The following MYO1D variants were observed in gnomAD, a reference collection of about 807,000 sequenced individuals.
MYO1D encodes the protein unconventional myosin-Id.
In MYO1D, 83 loss-of-function variants were observed where a neutral mutation model predicts 122.0. That is an observed-to-expected ratio of 0.68 (90% CI 0.57 to 0.82). The LOEUF (loss-of-function observed/expected upper bound fraction) is 0.82. MYO1D is among the 40% of genes least tolerant of loss of function. MYO1D has a pLI of 0.00. For missense variants in MYO1D, 1,157 were observed against 1,269.5 expected, an observed-to-expected ratio of 0.91 and a Z score of 1.35; for synonymous variants, 464 against 446.9, an observed-to-expected ratio of 1.04 and a Z score of -0.48.
intron 11 of MYO1D, among the ~76,000 whole-genome samples, chr17:32,751,162 T>C (rs1430827400): frequency 6.6e-6 from 1 of 152,082 alleles, no homozygotes; most frequent in African/African-American, 2.4e-5. Flanking sequence ...TATTGGATTA[T>C]TTGCCTGTCT....
intron 1 of MYO1D, among the ~76,000 whole-genome samples, chr17:32,849,612 A>T (rs1174596911): frequency 6.6e-6 from 1 of 151,034 alleles, no homozygotes; most frequent in Admixed American, 6.6e-5. Context: ...GAATTGAACA[A>T]TGAGATCACA....
intron 19 of MYO1D, among the ~76,000 whole-genome samples, chr17:32,646,295 T>C (rs540292039): frequency 6.6e-6 from 1 of 152,162 alleles, no homozygotes; most frequent in East Asian, 1.9e-4. Flanking sequence ...CTATCACTTG[T>C]ATGAATCTTA....
chr17:32,600,958 T>C (rs1469246889), intron 21 of MYO1D, among the ~76,000 whole-genome samples: 1 of 151,682 alleles, frequency 6.6e-6, no homozygotes, highest in Non-Finnish European at 1.5e-5. Context: ...TTTCCCTTTT[T>C]TTTTTTTTTT....
intron 21 of MYO1D, among the ~76,000 whole-genome samples, chr17:32,560,577 A>ATGT (rs2087114867): frequency 9.1e-6 from 1 of 109,946 alleles, no homozygotes; most frequent in African/African-American, 3.3e-5. Context: ...ATATATATAT[A>ATGT]ACTTTTATAC....
chr17:32,691,626 C>T (rs1236156575), intron 16 of MYO1D, among the ~76,000 whole-genome samples: 1 of 151,936 alleles, frequency 6.6e-6, no homozygotes, highest in Non-Finnish European at 1.5e-5. Flanking sequence ...AGGCTGGTCT[C>T]GAACTCCTGA....
intron 14 of MYO1D, among the ~76,000 whole-genome samples, chr17:32,734,004 T>C (rs1203137427): frequency 6.6e-6 from 1 of 152,190 alleles, no homozygotes; most frequent in Non-Finnish European, 1.5e-5. Context: ...ATTAAGGTAA[T>C]ATTAATCTCA....
At chr17:32,720,153 A>G (rs539434689) in intron 15 of MYO1D, among the ~76,000 whole-genome samples, 5 of 152,310 alleles carry the variant, frequency 3.3e-5, no homozygotes, top group Non-Finnish European at 5.9e-5. Context: ...AAAATGTTCA[A>G]TAAGTGTTTT....
intron 11 of MYO1D, among the ~76,000 whole-genome samples, chr17:32,750,408 T>C (rs2089886754): frequency 6.6e-6 from 1 of 151,736 alleles, no homozygotes; most frequent in Non-Finnish European, 1.5e-5. Context: ...GGTCAGGAGA[T>C]TGAGACCATC....
intron 21 of MYO1D, among the ~76,000 whole-genome samples, chr17:32,517,357 C>T (rs1323804106): frequency 2.0e-5 from 3 of 152,212 alleles, no homozygotes; most frequent in African/African-American, 4.8e-5. Flanking sequence ...AAGCAAACAG[C>T]CTCTTTGTCT....
chr17:32,549,092 C>A (rs1485458758), intron 21 of MYO1D, among the ~76,000 whole-genome samples: 1 of 151,978 alleles, frequency 6.6e-6, no homozygotes, highest in Non-Finnish European at 1.5e-5. Context: ...AATGCATAAT[C>A]CTTTTTGTTT....
At chr17:32,575,917 G>T (rs1385843652) in intron 21 of MYO1D, among the ~76,000 whole-genome samples, 2 of 152,174 alleles carry the variant, frequency 1.3e-5, no homozygotes, top group Non-Finnish European at 2.9e-5. Flanking sequence ...TATGCTTGTT[G>T]TTGAGGGAGA....
rs35731553 is a variant in MYO1D, at chr17:32,629,733, G to GAA, written c.2709+8987_2709+8988dup. On this transcript the variant is annotated intron_variant, in intron 20 of 21. Coordinates refer to ENST00000318217, the MANE Select transcript of MYO1D (RefSeq NM_015194.3). ...GTGACAAAGCGAGATTTCATCTCAA[G>GAA]AAAAAAAAAAAAAAAGGTATCAATC... Among the ~76,000 whole-genome samples, 302 of 127,582 alleles carry GAA rather than the reference G, an allele frequency of 2.4e-3. 1 individual carries two copies. Among genetic ancestry groups the GAA allele is most frequent in the East Asian group, 0.017 (69 of 4,166 alleles). 83.7% of individuals were successfully genotyped at this position (127,582 alleles called of 152,430 possible).
intron 21 of MYO1D, among the ~76,000 whole-genome samples, chr17:32,538,027 C>A (rs560775859): frequency 6.6e-6 from 1 of 152,156 alleles, no homozygotes; most frequent in East Asian, 1.9e-4. Flanking sequence ...TCTAAGGCCC[C>A]ATTTTTTTCA....
intron 19 of MYO1D, among the ~76,000 whole-genome samples, chr17:32,646,859 C>G (rs2640833): frequency 1.3e-5 from 2 of 151,892 alleles, no homozygotes; most frequent in Non-Finnish European, 2.9e-5. Flanking sequence ...CATAATTTAG[C>G]TATATTAAAA....
intron 21 of MYO1D, among the ~76,000 whole-genome samples, chr17:32,530,584 T>C (rs1910479860): frequency 6.6e-6 from 1 of 152,136 alleles, no homozygotes; most frequent in African/African-American, 2.4e-5. Flanking sequence ...GAGGATCACT[T>C]GAGTCCAGGA....
chr17:32,712,148 G>A lies in MYO1D; in HGVS notation c.1961C>T (p.Ser654Leu). The change falls in exon 16 of 22, where the codon TCA becomes TTA. Residue 654 changes from serine to leucine, a missense_variant. By Grantham distance (145) the Ser-to-Leu change is moderately radical. Transcript: ENST00000318217. ...EFTWPNHDLP[S>L]DKEAVKKLIE... ...TAGTTTCTTGACAGCCTCTTTGTCT[G>A]AAGGAAGGTCATGGTTGGGCCAGGT... The A allele has an allele frequency of 1.2e-6, 2 of 1,614,022 alleles. No homozygotes were observed. The highest frequency in any genetic ancestry group is 1.7e-6 in the Non-Finnish European group (2 of 1,179,996).
intron 15 of MYO1D, among the ~76,000 whole-genome samples, chr17:32,716,436 C>T (rs1424491536): frequency 4.6e-5 from 7 of 152,116 alleles, no homozygotes; most frequent in Non-Finnish European, 8.8e-5. Flanking sequence ...TGTTTTGTTC[C>T]CCACTATATA....
intron 21 of MYO1D, chr17:32,509,870 A>C (rs1909627774): frequency 6.6e-6 from 1 of 152,176 alleles, no homozygotes; most frequent in African/African-American, 2.4e-5. Context: ...AGATATTTCT[A>C]GTGAAATATA....
chr17:32,599,350 G>A (rs1464920576), intron 21 of MYO1D, among the ~76,000 whole-genome samples: 1 of 152,198 alleles, frequency 6.6e-6, no homozygotes, highest in African/African-American at 2.4e-5. Flanking sequence ...TCATGAGATT[G>A]CAGCAATTCA....
Sources: allele counts gnomAD v4.1 joint callset (sites outside exome capture counted in the v4.1 genomes callset), GRCh38; gene constraint gnomAD v4.1.1; transcripts MANE v1.5; gene names NCBI Gene and HGNC (gene_info 2026-07-23, HGNC 2026-07-21).